The following RGS6 variants were observed in gnomAD, a reference collection of about 807,000 sequenced individuals.
The protein encoded by RGS6 is regulator of G protein signaling 6.
A neutral mutation model predicts 78.5 loss-of-function variants in RGS6; 30 were observed. The observed-to-expected ratio is 0.38, with a 90% confidence interval of 0.29 to 0.52. The LOEUF (loss-of-function observed/expected upper bound fraction) is 0.52. Among genes scored for constraint, RGS6 ranks in the 20% least tolerant of loss-of-function variants. The probability of loss-of-function intolerance (pLI) is 0.85; values close to 1 mark genes in which losing one functional copy is unlikely to be tolerated. For synonymous variants in RGS6, 206 were observed against 206.0 expected (o/e 1.00, Z 0.00); for missense variants, 495 against 609.7 (o/e 0.81, Z 1.98).
intron 9 of RGS6, among the ~76,000 whole-genome samples, chr14:72,473,430 C>T (rs1328964370): frequency 1.3e-5 from 2 of 152,004 alleles, no homozygotes; most frequent in Admixed American, 1.3e-4. Flanking sequence ...GGCAACAGAG[C>T]GAGACTCCAT....
At chr14:72,287,491 C>T (rs2062782978) in intron 2 of RGS6, among the ~76,000 whole-genome samples, 1 of 152,172 alleles carries the variant, frequency 6.6e-6, no homozygotes, top group South Asian at 2.1e-4. Context: ...GAGTCTCACT[C>T]TGTCACCCAG....
intron 2 of RGS6, among the ~76,000 whole-genome samples, chr14:72,232,207 C>T (rs962638253): frequency 6.6e-6 from 1 of 152,168 alleles, no homozygotes; most frequent in Admixed American, 6.5e-5. Flanking sequence ...CCTAGAGCAG[C>T]ATGTCTGGAG....
intron 2 of RGS6, among the ~76,000 whole-genome samples, chr14:72,326,198 A>G (rs1035816042): frequency 2.0e-4 from 31 of 152,236 alleles, no homozygotes; most frequent in Non-Finnish European, 3.8e-4. Flanking sequence ...GGTCTGGTCA[A>G]TTTAGAGAAA....
At chr14:72,606,969 G>C in the RGS6 span, among the ~76,000 whole-genome samples, 5 of 152,268 alleles carry the variant, frequency 3.3e-5, no homozygotes, top group East Asian at 9.7e-4. Context: ...CATGCTTCTT[G>C]TATAGCCTGC....
chr14:72,132,317 C>T (rs2096340724), intron 2 of RGS6, among the ~76,000 whole-genome samples: 1 of 150,572 alleles, frequency 6.6e-6, no homozygotes, highest in African/African-American at 2.5e-5. Context: ...CACTCTGTTG[C>T]CCAGGCTGGA....
chr14:72,164,900 CTG>C (rs2096903512), intron 2 of RGS6, among the ~76,000 whole-genome samples: 1 of 152,204 alleles, frequency 6.6e-6, no homozygotes, highest in Non-Finnish European at 1.5e-5. Flanking sequence ...TGATGGCTGA[CTG>C]TGCCTGCCGT....
the RGS6 span, among the ~76,000 whole-genome samples, chr14:72,616,573 T>G: frequency 6.6e-6 from 1 of 152,182 alleles, no homozygotes. Context: ...AGTGCTTGTT[T>G]ATGTAACATG....
intron 2 of RGS6, among the ~76,000 whole-genome samples, chr14:72,271,099 A>T (rs75316101): frequency 0.013 from 2,044 of 152,286 alleles, 44 homozygotes; most frequent in African/African-American, 0.046. Flanking sequence ...GAGGAAGGAG[A>T]GAGTGAGGAA....
chr14:72,172,562 G>T (rs1304899030), intron 2 of RGS6, among the ~76,000 whole-genome samples: 1 of 152,076 alleles, frequency 6.6e-6, no homozygotes, highest in East Asian at 1.9e-4. Flanking sequence ...GTGGTATTTG[G>T]TTGACTCCCT....
chr14:72,023,372 A>G (rs779430064), intron 2 of RGS6, among the ~76,000 whole-genome samples: 4 of 152,098 alleles, frequency 2.6e-5, no homozygotes, highest in Non-Finnish European at 5.9e-5. Flanking sequence ...TCAGTCACCT[A>G]TCTGAGTCAT....
chr14:72,192,223 G>A (rs1348476092), intron 2 of RGS6, among the ~76,000 whole-genome samples: 4 of 152,164 alleles, frequency 2.6e-5, no homozygotes, highest in Admixed American at 2.6e-4. Context: ...TTGTTTTCCT[G>A]GTGGGGAGTG....
At chr14:72,026,618 C>T (rs958170867) in intron 2 of RGS6, among the ~76,000 whole-genome samples, 5 of 152,200 alleles carry the variant, frequency 3.3e-5, no homozygotes, top group Non-Finnish European at 5.9e-5. Context: ...TGAGCACCCA[C>T]GTGCTGTCAA....
chr14:72,102,253 C>T (rs571704271), intron 2 of RGS6, among the ~76,000 whole-genome samples: 1 of 152,290 alleles, frequency 6.6e-6, no homozygotes, highest in East Asian at 1.9e-4. Flanking sequence ...CACAGTAGCT[C>T]CTGCTATTTT....
the RGS6 span, among the ~76,000 whole-genome samples, chr14:71,896,315 T>C: frequency 9.1e-4 from 139 of 152,318 alleles, 1 homozygote; most frequent in African/African-American, 3.3e-3. Flanking sequence ...TATTTCTTGA[T>C]TATATGCTAA....
At chr14:72,600,906 C>G in the RGS6 span, among the ~76,000 whole-genome samples, 2 of 152,090 alleles carry the variant, frequency 1.3e-5, no homozygotes, top group African/African-American at 4.8e-5. Context: ...GACTGTAGCC[C>G]TCCCCTGGCT....
intron 3 of RGS6, among the ~76,000 whole-genome samples, chr14:72,406,422 A>G (rs2092933208): frequency 6.6e-6 from 1 of 152,160 alleles, no homozygotes; most frequent in Admixed American, 6.5e-5. Context: ...CACAACATCA[A>G]ATAAGCAGTT....
At chr14:72,452,209 A>T (rs1020741376) in intron 3 of RGS6, among the ~76,000 whole-genome samples, 2 of 145,914 alleles carry the variant, frequency 1.4e-5, no homozygotes, top group African/African-American at 5.2e-5. Flanking sequence ...GCACATGTAC[A>T]CACACACATA....
intron 2 of RGS6, among the ~76,000 whole-genome samples, chr14:72,108,831 A>G (rs1941109455): frequency 6.6e-6 from 1 of 151,820 alleles, no homozygotes; most frequent in Non-Finnish European, 1.5e-5. Flanking sequence ...CAAATCTGGA[A>G]ATTGTATGTT....
chr14:72,490,921 T>C (rs1334121443), intron 12 of RGS6, among the ~76,000 whole-genome samples: 1 of 152,174 alleles, frequency 6.6e-6, no homozygotes, highest in Non-Finnish European at 1.5e-5. Context: ...GGGGATCCTA[T>C]TAAAAAGCAG....
Sources: gnomAD v4.1 joint callset for allele counts (sites outside exome capture counted in the v4.1 genomes callset) on GRCh38, gnomAD v4.1.1 for gene constraint, MANE v1.5 for transcripts, NCBI Gene and HGNC (gene_info 2026-07-23, HGNC 2026-07-21) for gene names.